GRID2: variants seen among roughly 807,000 people sequenced by gnomAD.
The protein encoded by GRID2 is glutamate ionotropic receptor delta type subunit 2, also known as glutamate receptor ionotropic, delta-2.
GRID2 carries 33 observed loss-of-function variants against 114.8 expected under a neutral mutation model. That is an observed-to-expected ratio of 0.29 (90% CI 0.22 to 0.38). The LOEUF is 0.38. GRID2 is among the 10% of genes least tolerant of loss of function. The pLI is 1.00. For synonymous variants in GRID2, 505 were observed against 449.9 expected, an observed-to-expected ratio of 1.12 and a Z score of -1.55; for missense variants, 1,184 against 1,257.7, an observed-to-expected ratio of 0.94 and a Z score of 0.89.
intron 2 of GRID2, among the ~76,000 whole-genome samples, chr4:92,973,583 G>T (rs1434263293): frequency 6.6e-6 from 1 of 152,148 alleles, no homozygotes; most frequent in Non-Finnish European, 1.5e-5. Flanking sequence ...ATTAGGTTTC[G>T]ACTGGAACAA....
At chr4:93,293,907 A>C (rs976274188) in intron 8 of GRID2, among the ~76,000 whole-genome samples, 5 of 152,240 alleles carry the variant, frequency 3.3e-5, no homozygotes, top group African/African-American at 1.2e-4. Context: ...TAAGGAACTT[A>C]TATTCTAGTG....
At chr4:93,524,763 G>C (rs1452640106) in intron 13 of GRID2, among the ~76,000 whole-genome samples, 1 of 106,022 alleles carries the variant, frequency 9.4e-6, no homozygotes, top group Non-Finnish European at 1.9e-5. Flanking sequence ...TAGATGCCAA[G>C]AAAAAATATA....
At chr4:92,553,437 T>A (rs1306040693) in intron 1 of GRID2, among the ~76,000 whole-genome samples, 1 of 152,186 alleles carries the variant, frequency 6.6e-6, no homozygotes, top group Non-Finnish European at 1.5e-5. Context: ...CTTGTTTCTT[T>A]AGGAGAATGT....
chr4:92,960,006 T>TA (rs949655240), intron 2 of GRID2, among the ~76,000 whole-genome samples: 24 of 150,438 alleles, frequency 1.6e-4, no homozygotes, highest in Admixed American at 3.3e-4. Context: ...AAGTATAATT[T>TA]AAAAAAAAAG....
At chr4:92,349,976 C>T (rs1267858816) in intron 1 of GRID2, among the ~76,000 whole-genome samples, 3 of 151,894 alleles carry the variant, frequency 2.0e-5, no homozygotes, top group Non-Finnish European at 4.4e-5. Context: ...CATTCTCCCT[C>T]TTTTTTATGG....
At chr4:92,495,390 A>G (rs1045752014) in intron 1 of GRID2, among the ~76,000 whole-genome samples, 3 of 152,006 alleles carry the variant, frequency 2.0e-5, no homozygotes, top group Non-Finnish European at 4.4e-5. Flanking sequence ...ATGAAGAAAT[A>G]AGGTAGAGGA....
At chr4:93,168,560 ATTAG>A (rs1738484483) in intron 4 of GRID2, among the ~76,000 whole-genome samples, 1 of 152,092 alleles carries the variant, frequency 6.6e-6, no homozygotes, top group Admixed American at 6.5e-5. Context: ...AAATTAATTT[ATTAG>A]TTATATAAAT....
intron 14 of GRID2, among the ~76,000 whole-genome samples, chr4:93,657,054 G>T (rs1296482782): frequency 4.6e-5 from 7 of 151,758 alleles, no homozygotes; most frequent in Admixed American, 6.6e-5. Context: ...TATGTTCTGG[G>T]CCTTTGGTAT....
intron 1 of GRID2, among the ~76,000 whole-genome samples, chr4:93,782,477 A>T (rs1734499684): frequency 6.6e-6 from 1 of 152,196 alleles, no homozygotes; most frequent in African/African-American, 2.4e-5. Context: ...GAGTTCAGAA[A>T]GCATCCACTA....
Position 93,079,022 on chromosome 4 carries a change from G to A in GRID2, c.245-5973G>A, listed in dbSNP as rs1365816785. 2.9e-4 allele frequency among the ~76,000 whole-genome samples: 44 copies of A among 150,240 alleles called. No homozygotes were observed. The Admixed American group carries it at 2.9e-3, about 10-fold the overall frequency. ...CCAGCCTTGTCTCTACTACTTAATA[G>A]CAATGTAAACATAAGCCTCAATTTA... On this transcript the variant is annotated intron_variant, in intron 2 of 15. Transcript: ENST00000282020.
chr4:93,733,839 T>C (rs1212145526), intron 14 of GRID2, among the ~76,000 whole-genome samples: 2 of 152,058 alleles, frequency 1.3e-5, no homozygotes, highest in Non-Finnish European at 2.9e-5. Context: ...TTTTCAGAAC[T>C]AAATGGTCTA....
At chr4:93,492,011 C>G (rs1377347080) in intron 12 of GRID2, among the ~76,000 whole-genome samples, 4 of 151,730 alleles carry the variant, frequency 2.6e-5, no homozygotes, top group Non-Finnish European at 5.9e-5. Context: ...GATACAGAAC[C>G]TTCATATTCC....
chr4:92,749,463 A>C (rs894105211), intron 2 of GRID2, among the ~76,000 whole-genome samples: 5 of 149,618 alleles, frequency 3.3e-5, no homozygotes, highest in Non-Finnish European at 5.9e-5. Context: ...TACAGGCGCC[A>C]GCCACCACAC....
intron 14 of GRID2, among the ~76,000 whole-genome samples, chr4:93,661,719 G>A (rs1377417221): frequency 6.6e-6 from 1 of 152,172 alleles, no homozygotes; most frequent in African/African-American, 2.4e-5. Context: ...AGTGTTTGCA[G>A]TGATTTTATG....
At chr4:92,917,182 C>A in intron 2 of GRID2, among the ~76,000 whole-genome samples, 1 of 152,060 alleles carries the variant, frequency 6.6e-6, no homozygotes, top group East Asian at 1.9e-4. Flanking sequence ...CTGTTCATAT[C>A]CTTCGCCCAC....
chr4:92,893,829 A>G (rs1442774897), intron 2 of GRID2, among the ~76,000 whole-genome samples: 1 of 152,106 alleles, frequency 6.6e-6, no homozygotes, highest in Non-Finnish European at 1.5e-5. Flanking sequence ...TGCAGATAAT[A>G]TGTTTCGGGA....
At chr4:92,559,594 A>G (rs1727021345) in intron 1 of GRID2, among the ~76,000 whole-genome samples, 1 of 152,182 alleles carries the variant, frequency 6.6e-6, no homozygotes, top group Non-Finnish European at 1.5e-5. Flanking sequence ...TTCCACAGTC[A>G]AAGCAAGGTA....
At chr4:92,963,100 A>C (rs1338150500) in intron 2 of GRID2, among the ~76,000 whole-genome samples, 1 of 152,044 alleles carries the variant, frequency 6.6e-6, no homozygotes, top group Non-Finnish European at 1.5e-5. Context: ...ATTTCTAAAA[A>C]TGCTAACAAT....
At chr4:93,302,578 T>A (rs559681475) in intron 8 of GRID2, 12 of 456,228 alleles carry the variant, frequency 2.6e-5, no homozygotes, top group Admixed American at 1.6e-4. Context: ...AATTTGGAAT[T>A]ACAGGTAAAC....
Sources: allele counts gnomAD v4.1 joint callset (sites outside exome capture counted in the v4.1 genomes callset), GRCh38; gene constraint gnomAD v4.1.1; transcripts MANE v1.5; gene names NCBI Gene and HGNC (gene_info 2026-07-23, HGNC 2026-07-21).